SYN3: variants seen among roughly 807,000 people sequenced by gnomAD.
SYN3 encodes the protein synapsin-3.
SYN3 carries 35 observed loss-of-function variants against 65.8 expected under a neutral mutation model. The ratio of observed to expected loss-of-function variants is 0.53; its 90% CI spans 0.41 to 0.70. The LOEUF (loss-of-function observed/expected upper bound fraction) is 0.70, where lower values mean the gene tolerates loss of function less well. Among genes scored for constraint, SYN3 ranks in the 30% least tolerant of loss-of-function variants. The probability of loss-of-function intolerance (pLI) is 0.00; values close to 1 mark genes in which losing one functional copy is unlikely to be tolerated. For synonymous variants in SYN3, 270 were observed against 292.9 expected (o/e 0.92, Z 0.80); for missense variants, 680 against 749.0 (o/e 0.91, Z 1.08).
In SYN3 at chr22:32,533,894, A is replaced by G; in HGVS notation, c.994T>C (p.Tyr332His). 1 of 1,610,138 alleles carries G rather than the reference A, an allele frequency of 6.2e-7. No homozygotes were observed. The highest frequency in any genetic ancestry group is 1.3e-5 in the African/African-American group (1 of 74,990). The change falls in exon 10 of 14, where the codon TAC becomes CAC. Residue 332 changes from tyrosine to histidine, a missense_variant and splice_region_variant. Tyr to His is a moderately conservative substitution (Grantham distance 83, BLOSUM62 2). Transcript: ENST00000358763. ...GAGCAGCTGTCCACCCACAGCCTGT[A>G]CCTGCAGGGACAGATGGACAGACAG... ...MLEQVAMTER[Y>H]RLWVDSCSEM...
intron 6 of SYN3, among the ~76,000 whole-genome samples, chr22:32,763,564 T>G (rs1366401101): frequency 6.6e-6 from 1 of 152,144 alleles, no homozygotes. Context: ...TTTACAGATG[T>G]GAAAACCGAG....
intron 6 of SYN3, among the ~76,000 whole-genome samples, chr22:32,838,300 A>G (rs1194909490): frequency 1.3e-5 from 2 of 152,176 alleles, no homozygotes; most frequent in Non-Finnish European, 2.9e-5. Flanking sequence ...ACTATGGCAG[A>G]GAGGGACACA....
At chr22:32,601,378 C>T (rs374774291) in intron 6 of SYN3, among the ~76,000 whole-genome samples, 5,617 of 150,784 alleles carry the variant, frequency 0.037, 136 homozygotes, top group Admixed American at 0.049. Context: ...CCTGGGTTCA[C>T]GCCATTCTCC....
chr22:32,599,522 T>C (rs1035135308), intron 6 of SYN3, among the ~76,000 whole-genome samples: 4 of 151,902 alleles, frequency 2.6e-5, no homozygotes, highest in Non-Finnish European at 5.9e-5. Context: ...GGGGTTTCAC[T>C]GTGTTAGCCA....
chr22:32,782,447 C>T (rs574855020), intron 6 of SYN3, among the ~76,000 whole-genome samples: 92 of 152,136 alleles, frequency 6.0e-4, no homozygotes, highest in Admixed American at 2.2e-3. Flanking sequence ...GGTAATCCAC[C>T]CACCTTGGCC....
At chr22:32,903,361 T>A (rs1054388845) in intron 4 of SYN3, among the ~76,000 whole-genome samples, 4 of 152,206 alleles carry the variant, frequency 2.6e-5, no homozygotes, top group Non-Finnish European at 4.4e-5. Context: ...TTCGTTTTTT[T>A]AAAAAATACC....
chr22:32,574,351 C>T (rs566871485), intron 7 of SYN3, among the ~76,000 whole-genome samples: 25 of 152,112 alleles, frequency 1.6e-4, no homozygotes, highest in African/African-American at 5.8e-4. Flanking sequence ...TGGTGGTGCA[C>T]GCCAGTAGTC....
intron 6 of SYN3, among the ~76,000 whole-genome samples, chr22:32,654,581 G>A (rs1317187148): frequency 2.0e-5 from 3 of 152,242 alleles, no homozygotes; most frequent in Middle Eastern, 3.4e-3. Context: ...AGGTACTTCT[G>A]TCTCTCTCCA....
At chr22:32,652,870 A>G (rs2060092574) in intron 6 of SYN3, among the ~76,000 whole-genome samples, 1 of 152,162 alleles carries the variant, frequency 6.6e-6, no homozygotes, top group Non-Finnish European at 1.5e-5. Context: ...CCCTAAGGGA[A>G]ATCCCTATGA....
At chr22:32,942,113 T>C (rs528286448) in intron 3 of SYN3, among the ~76,000 whole-genome samples, 49 of 152,312 alleles carry the variant, frequency 3.2e-4, no homozygotes, top group Admixed American at 9.8e-4. Context: ...TCTCCCAGCA[T>C]GGAGTTTGAG....
intron 1 of SYN3, among the ~76,000 whole-genome samples, chr22:33,025,885 T>C (rs994772568): frequency 6.6e-6 from 1 of 152,266 alleles, no homozygotes; most frequent in East Asian, 1.9e-4. Flanking sequence ...GTGACCAGTT[T>C]TGATTAATCA....
At chr22:32,533,621 A>G (rs908566169) in intron 10 of SYN3, among the ~76,000 whole-genome samples, 172 bp downstream of exon 10, 4 of 152,092 alleles carry the variant, frequency 2.6e-5, no homozygotes, top group African/African-American at 9.7e-5. Flanking sequence ...AAGCCTTTCG[A>G]TGCCTCTGAG....
At chr22:32,693,592 GTTTTTTTTT>G (rs1189710191) in intron 6 of SYN3, among the ~76,000 whole-genome samples, 3 of 90,532 alleles carry the variant, frequency 3.3e-5, no homozygotes, top group Admixed American at 1.4e-4. Context: ...TCTGTAGCTT[GTTTTTTTTT>G]TTTTTTTTTT....
chr22:32,523,208 A>G (rs141414779), intron 12 of SYN3, among the ~76,000 whole-genome samples: 89 of 152,336 alleles, frequency 5.8e-4, no homozygotes, highest in African/African-American at 2.0e-3. Flanking sequence ...GCCATGAACC[A>G]CACCCATATA....
At chr22:32,761,445 G>A (rs534966595) in intron 6 of SYN3, among the ~76,000 whole-genome samples, 1 of 152,194 alleles carries the variant, frequency 6.6e-6, no homozygotes, top group South Asian at 2.1e-4. Context: ...AACACCCCAG[G>A]GCAGGTCACT....
intron 4 of SYN3, among the ~76,000 whole-genome samples, chr22:32,904,066 A>G (rs2049836148): frequency 6.6e-6 from 1 of 152,242 alleles, no homozygotes; most frequent in South Asian, 2.1e-4. Context: ...CAAGTCTATG[A>G]TGTAAGCAGG....
At chr22:32,598,599 C>T (rs1212045111) in intron 6 of SYN3, among the ~76,000 whole-genome samples, 2 of 152,198 alleles carry the variant, frequency 1.3e-5, no homozygotes, top group Admixed American at 1.3e-4. Flanking sequence ...GATTCTCCTG[C>T]CTCAGCCTCC....
chr22:32,728,883 G>A (rs187080132), intron 6 of SYN3, among the ~76,000 whole-genome samples: 1 of 152,268 alleles, frequency 6.6e-6, no homozygotes, highest in East Asian at 1.9e-4. Flanking sequence ...TGTGGGCAGA[G>A]CACACTCCTG....
intron 1 of SYN3, among the ~76,000 whole-genome samples, chr22:33,032,333 C>T (rs111433978): frequency 0.012 from 1,856 of 152,050 alleles, 11 homozygotes; most frequent in Non-Finnish European, 0.019. Flanking sequence ...CATGGCGAAA[C>T]TCTGTCTCTA....
Sources: gnomAD v4.1 joint callset for allele counts (sites outside exome capture counted in the v4.1 genomes callset) on GRCh38, gnomAD v4.1.1 for gene constraint, MANE v1.5 for transcripts, NCBI Gene and HGNC (gene_info 2026-07-23, HGNC 2026-07-21) for gene names.